CRB1: variants seen among roughly 807,000 people sequenced by gnomAD.
CRB1 encodes protein crumbs homolog 1.
A neutral mutation model predicts 120.0 loss-of-function variants in CRB1; 83 were observed. The observed-to-expected ratio is 0.69, with a 90% CI of 0.58 to 0.83. The LOEUF (loss-of-function observed/expected upper bound fraction) is 0.83. Among genes scored for constraint, CRB1 ranks in the 40% least tolerant of loss-of-function variants. CRB1 has a pLI of 0.00. For synonymous variants in CRB1, 625 were observed against 612.5 expected, an observed-to-expected ratio of 1.02 and a Z score of -0.30; for missense variants, 1,699 against 1,687.6, an observed-to-expected ratio of 1.01 and a Z score of -0.12.
chr1:197,475,156 TGAA>T (rs1667146654), intron 11 of CRB1, among the ~76,000 whole-genome samples: 1 of 152,182 alleles, frequency 6.6e-6, no homozygotes, highest in Non-Finnish European at 1.5e-5. Flanking sequence ...CACAGTAATA[TGAA>T]GGAGAGATGG....
At chr1:197,404,828 G>T (rs1308950864) in intron 5 of CRB1, among the ~76,000 whole-genome samples, 1 of 152,090 alleles carries the variant, frequency 6.6e-6, no homozygotes, top group Admixed American at 6.5e-5. Context: ...TTGTATTTGG[G>T]CACTGCCAGA....
At chr1:197,369,412 C>G (rs2125379238) in intron 5 of CRB1, among the ~76,000 whole-genome samples, 1 of 152,150 alleles carries the variant, frequency 6.6e-6, no homozygotes, top group East Asian at 1.9e-4. Context: ...CAGTCCCAAG[C>G]AACCCAGTTG....
chr1:197,438,483 G>C, intron 9 of CRB1, 64 bp from the exon 10 acceptor site: 1 of 1,599,992 alleles, frequency 6.3e-7, no homozygotes, highest in South Asian at 1.1e-5. Flanking sequence ...GAATTTATCA[G>C]AAAACTTTTC....
chr1:197,222,179 G>C, the CRB1 span: 1 of 424,700 alleles, frequency 2.4e-6, no homozygotes, highest in Non-Finnish European at 4.5e-6. Flanking sequence ...TGTCCTGCCG[G>C]CCCGCTCCTT....
At chr1:197,364,663 C>T (rs1660965639) in intron 5 of CRB1, among the ~76,000 whole-genome samples, 1 of 151,554 alleles carries the variant, frequency 6.6e-6, no homozygotes, top group Admixed American at 6.6e-5. Context: ...TTTTTTGTCT[C>T]CCATCTAGTA....
intron 1 of CRB1, among the ~76,000 whole-genome samples, chr1:197,316,284 A>T (rs992024076): frequency 6.6e-6 from 1 of 151,852 alleles, no homozygotes; most frequent in African/African-American, 2.4e-5. Context: ...TCCCGGGTTC[A>T]CACCATTCTC....
chr1:197,320,453 A>T (rs1658123534), intron 1 of CRB1, among the ~76,000 whole-genome samples: 2 of 152,214 alleles, frequency 1.3e-5, no homozygotes, highest in Admixed American at 1.3e-4. Context: ...ATTAAATTTT[A>T]GTATCATAAA....
intron 9 of CRB1, 102 bp downstream of exon 9, chr1:197,435,714 T>G (rs1160059615): frequency 3.8e-6 from 4 of 1,039,948 alleles, no homozygotes; most frequent in Admixed American, 2.0e-5. Flanking sequence ...ACATATATAC[T>G]GTGCTGAACA....
At chr1:197,207,521 T>C in the CRB1 span, among the ~76,000 whole-genome samples, 13 of 152,142 alleles carry the variant, frequency 8.5e-5, no homozygotes, top group Non-Finnish European at 1.8e-4. Context: ...AATTATTTTG[T>C]TTAAGGAGGG....
At position 197,434,817 on chromosome 1, in the gene CRB1, C is replaced by A; in HGVS notation, c.2954C>A (p.Ala985Glu). 6.2e-7 allele frequency: 1 copy of A among 1,613,716 alleles called. No individual in the cohort carries two copies. Among genetic ancestry groups the A allele is most frequent in the African/African-American group, 1.3e-5 (1 of 74,978 alleles). Residue 985 changes from alanine to glutamate, a missense_variant, in exon 9 of 12, where the codon GCA becomes GAA. Ala to Glu is a moderately radical substitution (Grantham distance 107). Transcript: ENST00000367400. ...NITFGFRTRD[A>E]NVIILHAEKE... ...ACATTTGGTTTCAGAACAAGGGATG[C>A]AAATGTAATAATATTGCATGCAGAA...
intron 5 of CRB1, among the ~76,000 whole-genome samples, chr1:197,401,198 T>A (rs56383144): frequency 1.3e-5 from 2 of 152,104 alleles, no homozygotes; most frequent in African/African-American, 2.4e-5. Context: ...AGAGTGTGGG[T>A]TTTTTTAAAT....
chr1:197,375,612 G>A (rs557475547), intron 5 of CRB1, among the ~76,000 whole-genome samples: 1 of 152,084 alleles, frequency 6.6e-6, no homozygotes, highest in South Asian at 2.1e-4. Flanking sequence ...TCATTTACTT[G>A]CCGCCTCCCA....
chr1:197,371,039 C>G (rs1419259855), intron 5 of CRB1, among the ~76,000 whole-genome samples: 1 of 152,130 alleles, frequency 6.6e-6, no homozygotes, highest in Non-Finnish European at 1.5e-5. Flanking sequence ...TGACCAGAAC[C>G]TCCAATTATT....
At chr1:197,429,232 TTTCTC>T in intron 7 of CRB1, 3 of 1,434,676 alleles carry the variant, frequency 2.1e-6, no homozygotes, top group Admixed American at 2.2e-5. Flanking sequence ...TTTTATATCT[TTTCTC>T]TCTCTCTGCC....
chr1:197,276,666 T>C (rs994838685), intron 1 of CRB1, among the ~76,000 whole-genome samples: 1 of 151,766 alleles, frequency 6.6e-6, no homozygotes, highest in African/African-American at 2.4e-5. Flanking sequence ...ATAAAGAAAA[T>C]AGCAAGTGCA....
chr1:197,207,816 C>T, the CRB1 span, among the ~76,000 whole-genome samples: 1 of 152,100 alleles, frequency 6.6e-6, no homozygotes, highest in South Asian at 2.1e-4. Context: ...ATGTGTTTTC[C>T]AAACTTTTAG....
At chr1:197,358,431 A>C (rs1660598619) in intron 5 of CRB1, among the ~76,000 whole-genome samples, 1 of 152,212 alleles carries the variant, frequency 6.6e-6, no homozygotes, top group Non-Finnish European at 1.5e-5. Context: ...TTGAATCTGC[A>C]GATCTAAAAG....
chr1:197,208,240 G>T, the CRB1 span, among the ~76,000 whole-genome samples: 9 of 151,726 alleles, frequency 5.9e-5, no homozygotes, highest in African/African-American at 1.9e-4. Context: ...TTTTCTTCTT[G>T]GTTTGGATCC....
At chr1:197,377,463 C>T (rs907668142) in intron 5 of CRB1, among the ~76,000 whole-genome samples, 1 of 152,112 alleles carries the variant, frequency 6.6e-6, no homozygotes, top group Non-Finnish European at 1.5e-5. Flanking sequence ...AAAGTTTTGC[C>T]CTTAGCAGCT....
Sources: gnomAD v4.1 joint callset for allele counts (sites outside exome capture counted in the v4.1 genomes callset) on GRCh38, gnomAD v4.1.1 for gene constraint, MANE v1.5 for transcripts, NCBI Gene and HGNC (gene_info 2026-07-23, HGNC 2026-07-21) for gene names.